Variants in CTNNA3 observed in about 807,000 individuals in gnomAD.
CTNNA3 encodes catenin alpha 3.
Under a neutral mutation model 95.7 loss-of-function variants are expected in CTNNA3, and 76 were observed. The ratio of observed to expected loss-of-function variants is 0.79; its 90% CI spans 0.66 to 0.96. CTNNA3 has a LOEUF of 0.96. Among genes scored for constraint, CTNNA3 ranks in the 40% least tolerant of loss-of-function variants. The probability of loss-of-function intolerance (pLI) is 0.00; values close to 1 mark genes in which losing one functional copy is unlikely to be tolerated. For missense variants in CTNNA3, 1,191 were observed against 1,089.8 expected (o/e 1.09, Z -1.31); for synonymous variants, 431 against 374.4 (o/e 1.15, Z -1.74).
At chr10:67,520,399 T>C (rs1354806470) in intron 5 of CTNNA3, among the ~76,000 whole-genome samples, 2 of 152,112 alleles carry the variant, frequency 1.3e-5, no homozygotes, top group African/African-American at 4.8e-5. Flanking sequence ...TGAGAAACGA[T>C]AACAGAAGAG....
At chr10:66,524,514 A>AT (rs11419795) in intron 10 of CTNNA3, among the ~76,000 whole-genome samples, 96,423 of 151,948 alleles carry the variant, frequency 0.63, 31,277 homozygotes, top group Middle Eastern at 0.76. Context: ...CTGGCTGGTG[A>AT]TGGTTATGAG....
chr10:67,176,102 G>A (rs1341527196), intron 7 of CTNNA3, among the ~76,000 whole-genome samples: 1 of 152,122 alleles, frequency 6.6e-6, no homozygotes, highest in Non-Finnish European at 1.5e-5. Flanking sequence ...GTTTCCTGGA[G>A]TGTATTTTTA....
chr10:66,807,412 C>G (rs935440398), intron 7 of CTNNA3, among the ~76,000 whole-genome samples: 1 of 152,068 alleles, frequency 6.6e-6, no homozygotes, highest in African/African-American at 2.4e-5. Flanking sequence ...GCCTTTACTC[C>G]AACCTCAGCT....
chr10:66,109,295 A>T (rs2082028252), intron 13 of CTNNA3, among the ~76,000 whole-genome samples: 1 of 152,190 alleles, frequency 6.6e-6, no homozygotes, highest in Admixed American at 6.5e-5. Flanking sequence ...AAGCCTCCAG[A>T]GACAGACTTA....
At chr10:67,281,911 C>A (rs1839415092) in intron 5 of CTNNA3, among the ~76,000 whole-genome samples, 1 of 152,112 alleles carries the variant, frequency 6.6e-6, no homozygotes, top group African/African-American at 2.4e-5. Flanking sequence ...AAGATGCATT[C>A]ATTCATTCAC....
chr10:66,928,544 C>T, intron 7 of CTNNA3: 3 of 1,190,568 alleles, frequency 2.5e-6, no homozygotes, highest in African/African-American at 1.5e-5. Context: ...AACGCGATGC[C>T]CCCCCTCCCC....
At chr10:67,195,040 A>G (rs971225591) in intron 6 of CTNNA3, among the ~76,000 whole-genome samples, 1 of 151,938 alleles carries the variant, frequency 6.6e-6, no homozygotes, top group Non-Finnish European at 1.5e-5. Context: ...AAGAATCAAA[A>G]TGTGTCTGGA....
Position 67,621,576 on chromosome 10 carries a change from T to C in CTNNA3, c.100-14527A>G, listed in dbSNP as rs1843845940. ...CTGCCTGATCAACATGGTGAAACCC[T>C]GTCTCTACTAAAAATACAAAAAATT... On this transcript the variant is annotated intron_variant, in intron 2 of 17. Coordinates refer to ENST00000433211, the MANE Select transcript of CTNNA3 (RefSeq NM_013266.4). Among the ~76,000 whole-genome samples, 3 of 151,868 alleles carry C rather than the reference T, an allele frequency of 2.0e-5. No individual in the cohort carries two copies. The East Asian group carries it at 5.8e-4, about 29-fold the overall frequency.
chr10:67,654,095 C>T (rs1356865747), intron 1 of CTNNA3, among the ~76,000 whole-genome samples: 2 of 152,070 alleles, frequency 1.3e-5, no homozygotes, highest in Admixed American at 6.5e-5. Context: ...GCAAGACAGC[C>T]AGAAGTGGGA....
rs1856526622 is a variant in CTNNA3 at position 67,072,614 on chromosome 10, T to C, written c.1047+107703A>G. On this transcript the variant is annotated intron_variant, in intron 7 of 17. Coordinates refer to ENST00000433211, the MANE Select transcript of CTNNA3 (RefSeq NM_013266.4). ...GGGCTAGATTGCAGTTTTAGTGGAATGTAGTCTTCCCCTTGTTTATCTATA... is the reference window on the plus strand; with the variant it reads ...GGGCTAGATTGCAGTTTTAGTGGAACGTAGTCTTCCCCTTGTTTATCTATA... Among the ~76,000 whole-genome samples the C allele has an allele frequency of 3.3e-5, 5 of 152,286 alleles. No individual in the cohort carries two copies. The South Asian group carries it at 1.0e-3, about 32-fold the overall frequency.
intron 9 of CTNNA3, among the ~76,000 whole-genome samples, chr10:66,630,530 C>T (rs1347635480): frequency 2.0e-5 from 3 of 152,058 alleles, no homozygotes; most frequent in Non-Finnish European, 4.4e-5. Context: ...TCTTAAAGGG[C>T]CCAAGCTGGA....
intron 5 of CTNNA3, among the ~76,000 whole-genome samples, chr10:67,417,604 C>A (rs951414775): frequency 1.3e-5 from 2 of 151,878 alleles, no homozygotes; most frequent in African/African-American, 2.4e-5. Context: ...AACTCTAAGA[C>A]AAAAGATAGG....
chr10:66,844,153 ACTGTGTACC>A, intron 7 of CTNNA3, among the ~76,000 whole-genome samples: 1 of 152,230 alleles, frequency 6.6e-6, no homozygotes, highest in Non-Finnish European at 1.5e-5. Flanking sequence ...ATAAGAATTT[ACTGTGTACC>A]CTTAGATTGC....
intron 13 of CTNNA3, among the ~76,000 whole-genome samples, chr10:66,223,981 G>A (rs2089121182): frequency 6.6e-6 from 1 of 152,114 alleles, no homozygotes; most frequent in African/African-American, 2.4e-5. Context: ...AGGATCACTT[G>A]AGCCCAGGAG....
intron 6 of CTNNA3, among the ~76,000 whole-genome samples, chr10:67,215,946 G>C (rs940085643): frequency 6.6e-5 from 10 of 151,972 alleles, no homozygotes; most frequent in African/African-American, 2.4e-4. Flanking sequence ...TTTTGTATCA[G>C]CCTCAAATAA....
At chr10:66,667,358 A>T (rs906482500) in intron 9 of CTNNA3, among the ~76,000 whole-genome samples, 7 of 152,070 alleles carry the variant, frequency 4.6e-5, no homozygotes, top group African/African-American at 1.7e-4. Context: ...ATCTCCTATC[A>T]TCTTGATTGC....
At chr10:67,039,023 T>C (rs1274817465) in intron 7 of CTNNA3, among the ~76,000 whole-genome samples, 1 of 152,066 alleles carries the variant, frequency 6.6e-6, no homozygotes, top group African/African-American at 2.4e-5. Flanking sequence ...AGAAAATTCG[T>C]GTTAGAAAGG....
At chr10:66,222,622 A>AAGAAAGAAAGAAAAAG (rs1554895442) in intron 13 of CTNNA3, among the ~76,000 whole-genome samples, 4 of 65,230 alleles carry the variant, frequency 6.1e-5, no homozygotes, top group African/African-American at 1.2e-4. Flanking sequence ...GAAAGAAAGA[A>AAGAAAGAAAGAAAAAG]AAAGAAAGAA....
intron 13 of CTNNA3, among the ~76,000 whole-genome samples, chr10:66,161,541 C>A (rs1024982826): frequency 6.6e-6 from 1 of 152,130 alleles, no homozygotes; most frequent in African/African-American, 2.4e-5. Context: ...TCCTTTCTAG[C>A]TTGTAGGGTT....
Sources: allele counts gnomAD v4.1 joint callset (sites outside exome capture counted in the v4.1 genomes callset), GRCh38; gene constraint gnomAD v4.1.1; transcripts MANE v1.5; gene names NCBI Gene and HGNC (gene_info 2026-07-23, HGNC 2026-07-21).